PCDHGA8: variants seen among roughly 807,000 people sequenced by gnomAD.
PCDHGA8 encodes protocadherin gamma subfamily A, 8.
A neutral mutation model predicts 59.2 loss-of-function variants in PCDHGA8; 45 were observed. That is an observed-to-expected ratio of 0.76 (90% CI 0.60 to 0.98). The LOEUF (loss-of-function observed/expected upper bound fraction) is 0.98, where lower values mean the gene tolerates loss of function less well. Ranked by LOEUF, PCDHGA8 falls within the 50% of genes least tolerant of loss-of-function variation. PCDHGA8 has a pLI of 0.00. For missense variants in PCDHGA8, 1,257 were observed against 1,196.2 expected (o/e 1.05, Z -0.75); for synonymous variants, 531 against 519.0 (o/e 1.02, Z -0.32).
At chr5:141,402,945 A>T (rs2094324619) in intron 1 of PCDHGA8, 2 of 1,593,720 alleles carry the variant, frequency 1.3e-6, no homozygotes, top group Admixed American at 3.6e-5. Flanking sequence ...TTCCAAAGCG[A>T]GGCAGCAATG....
intron 1 of PCDHGA8, among the ~76,000 whole-genome samples, chr5:141,465,687 T>C (rs1290838979): frequency 1.3e-5 from 2 of 152,248 alleles, no homozygotes; most frequent in Non-Finnish European, 2.9e-5. Flanking sequence ...TTGACCAGTC[T>C]GCTTTTGCAT....
chr5:141,477,224 G>C lies in PCDHGA8; in HGVS notation c.2425-17583G>C. 6.2e-7 allele frequency: 1 copy of C among 1,614,200 alleles called. No individual in the cohort carries two copies. The highest frequency in any genetic ancestry group is 8.5e-7 in the Non-Finnish European group (1 of 1,180,046). Reference sequence around the variant, plus strand: ...ACCCGAGGATGCCCCTCTGGGGACTGTCATCGCTTTGCTCAGTGTGACTGA... The same window carrying C: ...ACCCGAGGATGCCCCTCTGGGGACTCTCATCGCTTTGCTCAGTGTGACTGA... On this transcript the variant is annotated intron_variant, in intron 1 of 3. Transcript: ENST00000398604. The surrounding 1 kb of genome is among the most constrained non-coding windows in gnomAD (Gnocchi z 4.9).
intron 1 of PCDHGA8, chr5:141,399,718 C>T (rs770212703): frequency 6.2e-7 from 1 of 1,613,306 alleles, no homozygotes; most frequent in Non-Finnish European, 8.5e-7. Context: ...ACTACAGGCC[C>T]GCGACCAGGG....
chr5:141,403,952 C>T, intron 1 of PCDHGA8: 1 of 1,613,684 alleles, frequency 6.2e-7, no homozygotes, highest in Non-Finnish European at 8.5e-7. Flanking sequence ...GACAAAAGTG[C>T]TCATTTCGGT....
intron 1 of PCDHGA8, chr5:141,410,784 G>T (rs1352997810): frequency 1.2e-6 from 1 of 817,034 alleles, no homozygotes; most frequent in Non-Finnish European, 1.7e-6. Context: ...CTATGTATTT[G>T]GTTCATAAGT....
intron 1 of PCDHGA8, among the ~76,000 whole-genome samples, chr5:141,456,733 G>A (rs1186997201): frequency 6.6e-6 from 1 of 152,182 alleles, no homozygotes; most frequent in Non-Finnish European, 1.5e-5. Context: ...GGGAGGCTGA[G>A]GCGGGAGCAT....
Position 141,425,952 on chromosome 5 carries a change from T to C in PCDHGA8, c.2424+30715T>C, listed in dbSNP as rs1047436598. 3.9e-5 allele frequency among the ~76,000 whole-genome samples: 6 copies of C among 152,364 alleles called. No individual in the cohort carries two copies. In the South Asian group the frequency reaches 8.3e-4, roughly 21 times the overall value. ...ATAAAATGTCTAGTTTCCTATACATTAGTCCAACACATCAGTCTAATTCTG... is the reference window on the plus strand; with the variant it reads ...ATAAAATGTCTAGTTTCCTATACATCAGTCCAACACATCAGTCTAATTCTG... On this transcript the variant is annotated intron_variant, in intron 1 of 3. Coordinates refer to ENST00000398604, the MANE Select transcript of PCDHGA8 (RefSeq NM_032088.2).
At chr5:141,499,186 T>A (rs1332703037) in intron 2 of PCDHGA8, among the ~76,000 whole-genome samples, 2 of 152,036 alleles carry the variant, frequency 1.3e-5, no homozygotes, top group Non-Finnish European at 2.9e-5. Context: ...AGCAAACCAT[T>A]TCCCCCTTCT....
rs994740663 is a variant in PCDHGA8, at chr5:141,477,022, G to T, written c.2425-17785G>T. ...TATTCGCCTTAGACCTTGTAACCGG[G>T]ATGCTGACAATCAAGGGTCGGCTGG... On this transcript the variant is annotated intron_variant, in intron 1 of 3. Transcript: ENST00000398604. The surrounding 1 kb of genome is among the most constrained non-coding windows in gnomAD (Gnocchi z 4.9). 6.2e-7 allele frequency: 1 copy of T among 1,614,240 alleles called. No homozygotes were observed. Among genetic ancestry groups the T allele is most frequent in the African/African-American group, 1.3e-5 (1 of 75,074 alleles).
intron 1 of PCDHGA8, 162 bp from the exon 2 acceptor site, chr5:141,494,645 G>A: frequency 1.1e-6 from 1 of 935,948 alleles, no homozygotes. Flanking sequence ...GAGACCTGAG[G>A]TGTATTTTGT....
intron 1 of PCDHGA8, chr5:141,404,627 G>A: frequency 6.2e-7 from 1 of 1,614,144 alleles, no homozygotes; most frequent in Non-Finnish European, 8.5e-7. Context: ...GAATGACAAT[G>A]CCCCAGAAAT....
At chr5:141,410,413 T>C (rs1229133377) in intron 1 of PCDHGA8, 10 of 1,613,938 alleles carry the variant, frequency 6.2e-6, no homozygotes, top group Non-Finnish European at 8.5e-6. Context: ...AGTCTGGACC[T>C]GTAGTTCCCC....
Position 141,476,645 on chromosome 5 carries a change from A to C in PCDHGA8, c.2425-18162A>C. 1 of 1,614,246 alleles carries C rather than the reference A, an allele frequency of 6.2e-7. No homozygotes were observed. The highest frequency in any genetic ancestry group is 8.5e-7 in the Non-Finnish European group (1 of 1,180,052). On this transcript the variant is annotated intron_variant, in intron 1 of 3. Coordinates refer to ENST00000398604, the MANE Select transcript of PCDHGA8 (RefSeq NM_032088.2). The surrounding 1 kb of genome is among the most constrained non-coding windows in gnomAD (Gnocchi z 7.6). ...TTTACAAACCTATGAGCTGAGCCGA[A>C]ATGAATACTTTGCGCTTCGCGTGCA...
chr5:141,404,594 T>C (rs778412256), intron 1 of PCDHGA8: 6 of 1,614,050 alleles, frequency 3.7e-6, no homozygotes, highest in South Asian at 1.1e-5. Flanking sequence ...CAATGTGTCA[T>C]TGAGACTGTT....
At position 141,432,395 on chromosome 5, in the gene PCDHGA8, G is replaced by T. The variant is rs748660079; in HGVS notation, c.2424+37158G>T. On this transcript the variant is annotated intron_variant, in intron 1 of 3. Coordinates refer to ENST00000398604, the MANE Select transcript of PCDHGA8 (RefSeq NM_032088.2). This position sits in a 1 kb window ranked among gnomAD's most constrained non-coding sequence, Gnocchi z 6.0. ...CGGGCACCCGCCCCTCAGCAGCAAC[G>T]TGTCGTTGAGCCTGTTCGTGCTGGA... 5 of 1,614,242 alleles carry T rather than the reference G, an allele frequency of 3.1e-6. No individual in the cohort carries two copies. In the East Asian group the frequency reaches 8.9e-5, roughly 29 times the overall value.
chr5:141,420,336 T>C, intron 1 of PCDHGA8: 1 of 1,399,186 alleles, frequency 7.1e-7, no homozygotes, highest in East Asian at 2.5e-5. Flanking sequence ...TATTCCAATA[T>C]AGTGGTATTA....
At chr5:141,437,903 A>G (rs1591482477) in intron 1 of PCDHGA8, among the ~76,000 whole-genome samples, 1 of 152,064 alleles carries the variant, frequency 6.6e-6, no homozygotes, top group East Asian at 1.9e-4. Context: ...ACACCCAGCT[A>G]ATTTTTGTAT....
intron 1 of PCDHGA8, chr5:141,408,969 C>T (rs1005367761): frequency 3.7e-6 from 6 of 1,613,594 alleles, no homozygotes; most frequent in Non-Finnish European, 5.1e-6. Context: ...GAAAATCTGC[C>T]CCCTGGGTCC....
intron 1 of PCDHGA8, chr5:141,408,126 C>T: frequency 1.5e-5 from 22 of 1,479,600 alleles, no homozygotes; most frequent in Non-Finnish European, 1.6e-5. Flanking sequence ...TGTCCTGGGC[C>T]GAATGCTCTT....
Sources: allele counts gnomAD v4.1 joint callset (sites outside exome capture counted in the v4.1 genomes callset), GRCh38; gene constraint gnomAD v4.1.1; non-coding constraint Gnocchi (gnomAD v3.1); transcripts MANE v1.5; gene names NCBI Gene and HGNC (gene_info 2026-07-23, HGNC 2026-07-21).